Variants in ANO1 observed in about 807,000 individuals in gnomAD.
ANO1 encodes anoctamin 1, also known as anoctamin-1.
A neutral mutation model predicts 124.0 loss-of-function variants in ANO1; 59 were observed. The ratio of observed to expected loss-of-function variants is 0.48; its 90% CI spans 0.39 to 0.59. The LOEUF (loss-of-function observed/expected upper bound fraction) is 0.59, where lower values mean the gene tolerates loss of function less well. Ranked by LOEUF, ANO1 falls within the 20% of genes least tolerant of loss-of-function variation. ANO1 has a pLI of 0.00. For synonymous variants in ANO1, 529 were observed against 532.0 expected (o/e 0.99, Z 0.08); for missense variants, 1,059 against 1,328.0 (o/e 0.80, Z 3.15).
chr11:70,008,480 G>A (rs545014730), intron 1 of ANO1, among the ~76,000 whole-genome samples: 5 of 152,246 alleles, frequency 3.3e-5, no homozygotes, highest in South Asian at 4.1e-4. Flanking sequence ...GTTTCCCAGC[G>A]ACCTTTGGCA....
At chr11:70,130,902 G>T (rs1356386318) in intron 10 of ANO1, among the ~76,000 whole-genome samples, 2 of 152,218 alleles carry the variant, frequency 1.3e-5, no homozygotes, top group Non-Finnish European at 2.9e-5. Flanking sequence ...TCCACCTCCT[G>T]TGTCCAGAGC....
chr11:70,058,725 T>C (rs1249118147), intron 1 of ANO1, among the ~76,000 whole-genome samples: 1 of 152,228 alleles, frequency 6.6e-6, no homozygotes, highest in Non-Finnish European at 1.5e-5. Context: ...GTAAAAGTAC[T>C]GTCCAGTCCT....
chr11:69,970,807 ACACCCTGTGTT>A, the ANO1 span, among the ~76,000 whole-genome samples: 6 of 152,258 alleles, frequency 3.9e-5, no homozygotes, highest in Admixed American at 2.6e-4. Context: ...CAGTCATCGG[ACACCCTGTGTT>A]CTCTCAGGCC....
intron 1 of ANO1, among the ~76,000 whole-genome samples, chr11:70,012,781 G>A (rs2134973106): frequency 6.6e-6 from 1 of 151,620 alleles, no homozygotes; most frequent in East Asian, 1.9e-4. Context: ...CCATCCATTT[G>A]CCCATCTATT....
intron 1 of ANO1, among the ~76,000 whole-genome samples, chr11:70,025,832 G>A (rs1296025584): frequency 9.2e-6 from 1 of 109,134 alleles, no homozygotes; most frequent in South Asian, 2.6e-4. Context: ...TGATGGTGGT[G>A]GTGATGATGA....
chr11:70,130,966 G>A (rs2046733589), intron 10 of ANO1, among the ~76,000 whole-genome samples: 3 of 152,248 alleles, frequency 2.0e-5, no homozygotes, highest in South Asian at 2.1e-4. Flanking sequence ...GATGCTGTGT[G>A]AACCGCTCAT....
chr11:70,163,300 G>A lies in ANO1; in HGVS notation c.1910G>A (p.Gly637Asp), dbSNP rs1309213025. 1 of 1,613,720 alleles carries A rather than the reference G, an allele frequency of 6.2e-7. No individual in the cohort carries two copies. Among genetic ancestry groups the A allele is most frequent in the African/African-American group, 1.3e-5 (1 of 74,940 alleles). Residue 637 changes from glycine to aspartate, a missense_variant, in exon 19 of 26, where the codon GGC (glycine) becomes GAC (aspartate). Physicochemically the swap from Gly to Asp is moderately conservative, Grantham distance 94. Around this residue, in one of 2 missense-constraint regions of ANO1, gnomAD observed 809 missense variants for 1,094.9 expected, o/e 0.74. Transcript: ENST00000355303. ...FFKGRFVGRP[G>D]DYVYIFRSFR... ...CGTTTCAGGTTTGTTGGACGCCCGG[G>A]CGACTACGTGTACATTTTCCGTTCC...
chr11:70,110,878 G>T (rs768742851), intron 6 of ANO1, among the ~76,000 whole-genome samples: 1 of 152,310 alleles, frequency 6.6e-6, no homozygotes, highest in Non-Finnish European at 1.5e-5. Context: ...GTCCTCTCTC[G>T]CAGTCTCCTG....
At chr11:70,070,457 C>T (rs543401733) in intron 1 of ANO1, among the ~76,000 whole-genome samples, 2 of 152,192 alleles carry the variant, frequency 1.3e-5, no homozygotes, top group African/African-American at 4.8e-5. Flanking sequence ...CCAAGGTGGG[C>T]GGGTCACCTG....
At chr11:70,147,022 A>G (rs1280925993) in intron 11 of ANO1, among the ~76,000 whole-genome samples, 1 of 152,204 alleles carries the variant, frequency 6.6e-6, no homozygotes, top group African/African-American at 2.4e-5. Context: ...CCCAGAAACA[A>G]CACTTTGCAT....
At chr11:70,165,445 G>T in intron 19 of ANO1, 25 bp from the exon 20 acceptor site, 1 of 1,584,944 alleles carries the variant, frequency 6.3e-7, no homozygotes, top group Non-Finnish European at 8.6e-7. Context: ...CCTGTAGCGT[G>T]GCTGATGCTG....
intron 16 of ANO1, among the ~76,000 whole-genome samples, chr11:70,160,106 G>T (rs1243654399): frequency 1.3e-5 from 2 of 152,092 alleles, no homozygotes; most frequent in Non-Finnish European, 2.9e-5. Flanking sequence ...GGCCTCCTGG[G>T]CCTGCCTGTC....
intron 2 of ANO1, among the ~76,000 whole-genome samples, chr11:70,091,238 C>A (rs1221208367): frequency 6.6e-6 from 1 of 152,124 alleles, no homozygotes; most frequent in African/African-American, 2.4e-5. Context: ...AAAGGGTTTG[C>A]GATTTTGAAA....
chr11:70,034,061 C>G (rs1358075772), intron 1 of ANO1, among the ~76,000 whole-genome samples: 1 of 152,136 alleles, frequency 6.6e-6, no homozygotes, highest in Non-Finnish European at 1.5e-5. Flanking sequence ...ATCCATTCAA[C>G]AAAGCTTTGC....
intron 1 of ANO1, among the ~76,000 whole-genome samples, chr11:70,002,038 G>A (rs4264171): frequency 0.49 from 74,028 of 151,946 alleles, 19,294 homozygotes; most frequent in East Asian, 0.89. Flanking sequence ...ACAGAGCAAC[G>A]GTGGTCCCAA....
At chr11:70,096,359 C>T (rs2044960032) in intron 2 of ANO1, among the ~76,000 whole-genome samples, 2 of 152,104 alleles carry the variant, frequency 1.3e-5, no homozygotes, top group Non-Finnish European at 1.5e-5. Context: ...GCTGGGCACC[C>T]GTATCGGTCC....
intron 16 of ANO1, 47 bp from the exon 17 acceptor site, chr11:70,161,114 G>A (rs762188087): frequency 1.4e-4 from 220 of 1,535,158 alleles, no homozygotes; most frequent in Non-Finnish European, 1.9e-4. Context: ...GGCCCAGGAA[G>A]GTCCTGGGTG....
intron 1 of ANO1, among the ~76,000 whole-genome samples, chr11:70,012,266 T>TCATC (rs1379222733): frequency 2.7e-5 from 4 of 148,010 alleles, no homozygotes; most frequent in African/African-American, 1.0e-4. Context: ...GTCCATCTAT[T>TCATC]CATCCATCCA....
intron 1 of ANO1, among the ~76,000 whole-genome samples, chr11:70,009,350 C>G (rs1326325185): frequency 6.6e-6 from 1 of 152,120 alleles, no homozygotes; most frequent in Middle Eastern, 3.2e-3. Context: ...TTGAAACTCT[C>G]AGAGGAGGCA....
Sources: allele counts gnomAD v4.1 joint callset (sites outside exome capture counted in the v4.1 genomes callset), GRCh38; gene constraint gnomAD v4.1.1; regional missense constraint gnomAD v4.1.1; transcripts MANE v1.5; gene names NCBI Gene and HGNC (gene_info 2026-07-23, HGNC 2026-07-21).